Variants in ELMOD2 observed in about 807,000 individuals in gnomAD.
The protein encoded by ELMOD2 is ELMO domain-containing protein 2.
A neutral mutation model predicts 41.0 loss-of-function variants in ELMOD2; 28 were observed. The ratio of observed to expected loss-of-function variants is 0.68; its 90% CI spans 0.51 to 0.94. The LOEUF (loss-of-function observed/expected upper bound fraction) is 0.94. Ranked by LOEUF, ELMOD2 falls within the 40% of genes least tolerant of loss-of-function variation. ELMOD2 has a pLI of 0.00. For missense variants in ELMOD2, 333 were observed against 343.1 expected (o/e 0.97, Z 0.23); for synonymous variants, 106 against 107.2 (o/e 0.99, Z 0.07).
chr4:140,530,869 G>A (rs186856947), intron 3 of ELMOD2, among the ~76,000 whole-genome samples: 4 of 151,792 alleles, frequency 2.6e-5, no homozygotes, highest in Admixed American at 6.6e-5. Flanking sequence ...ATTTTTATTC[G>A]ATAAAAAAGT....
chr4:140,525,227 G>T, intron 1 of ELMOD2, 193 bp from the exon 2 acceptor site: 1 of 463,222 alleles, frequency 2.2e-6, no homozygotes, highest in East Asian at 3.8e-5. Flanking sequence ...TGATTAATTG[G>T]CCATTTGATC....
At chr4:140,527,233 A>T (rs1223049685) in intron 2 of ELMOD2, among the ~76,000 whole-genome samples, 1 of 152,164 alleles carries the variant, frequency 6.6e-6, no homozygotes, top group Non-Finnish European at 1.5e-5. Flanking sequence ...ACCCCAGGTA[A>T]TGAGGTTGGT....
intron 3 of ELMOD2, among the ~76,000 whole-genome samples, chr4:140,530,809 G>T (rs930911171): frequency 5.9e-5 from 9 of 151,942 alleles, no homozygotes; most frequent in African/African-American, 2.2e-4. Context: ...CATTTACTTT[G>T]TAGGGTAAAT....
rs1735520470 is a variant in ELMOD2 at position 140,553,364 on chromosome 4, T to C, written c.*2989T>C. On this transcript the variant is annotated 3_prime_UTR_variant, in exon 9 of 9. Transcript: ENST00000323570. ...CTCAGGATAAATGCTCTACCCCACT[T>C]CTCTATGAACAGGTGTGGGGAGGCT... 1 of 152,126 alleles carries C rather than the reference T, an allele frequency of 6.6e-6. No individual in the cohort carries two copies. The highest frequency in any genetic ancestry group is 2.4e-5 in the African/African-American group (1 of 41,444). The allele number at this position is 152,126 out of a possible 1,614,324, so 9.4% of individuals were successfully genotyped here. A position where few individuals can be genotyped will look rare whatever the true frequency, so the allele number is the denominator to read the frequency against.
rs939136076 is a variant in ELMOD2, at chr4:140,552,840, AAC to A, written c.*2467_*2468del. 16 of 152,206 alleles carry A rather than the reference AAC, an allele frequency of 1.1e-4. No homozygotes were observed. The highest frequency in any genetic ancestry group is 3.4e-4 in the African/African-American group (14 of 41,564). 9.4% of individuals were successfully genotyped at this position (152,206 alleles called of 1,614,324 possible). A position where few individuals can be genotyped will look rare whatever the true frequency, so the allele number is the denominator to read the frequency against. ...GTGACAGGAAGTAGTCTAAAAAATT[AAC>A]AGTTATGGTTTTAATAGGATCTGAA... is the stretch of plus-strand genomic sequence containing the variant. On this transcript the variant is annotated 3_prime_UTR_variant, in exon 9 of 9. Transcript: ENST00000323570.
At chr4:140,530,972 A>G (rs961133088) in intron 3 of ELMOD2, among the ~76,000 whole-genome samples, 2 of 152,148 alleles carry the variant, frequency 1.3e-5, no homozygotes, top group African/African-American at 4.8e-5. Flanking sequence ...ATACCCACAT[A>G]GTTGTTTTGA....
chr4:140,535,186 G>T (rs1734880240), intron 3 of ELMOD2, among the ~76,000 whole-genome samples: 1 of 145,182 alleles, frequency 6.9e-6, no homozygotes, highest in Middle Eastern at 3.5e-3. Flanking sequence ...TCGCCTTGGG[G>T]TATATCTAAA....
At chr4:140,544,640 C>A (rs1735213308) in intron 8 of ELMOD2, among the ~76,000 whole-genome samples, 1 of 152,070 alleles carries the variant, frequency 6.6e-6, no homozygotes. Context: ...CATCTTTTGC[C>A]ATATACCAGC....
chr4:140,538,026 A>C (rs955339538), intron 5 of ELMOD2, among the ~76,000 whole-genome samples: 6 of 152,168 alleles, frequency 3.9e-5, no homozygotes, highest in African/African-American at 1.2e-4. Flanking sequence ...GCAATGCCAC[A>C]AAAGATTTAA....
chr4:140,531,390 G>A (rs910863583), intron 3 of ELMOD2, among the ~76,000 whole-genome samples: 2 of 152,136 alleles, frequency 1.3e-5, no homozygotes, highest in African/African-American at 2.4e-5. Context: ...TGACTTATTC[G>A]AATTTGAGGA....
Position 140,543,762 on chromosome 4 carries a change from TATTC to T in ELMOD2, c.736+177_736+180del, listed in dbSNP as rs146583936. Among the ~76,000 whole-genome samples, 1,313 of 152,180 alleles carry T rather than the reference TATTC, an allele frequency of 8.6e-3. 19 individuals carry two copies. The highest frequency in any genetic ancestry group is 0.03 in the African/African-American group (1,226 of 41,538). ...ACAGTGGAAGATGGGTCCCCAAGAG[TATTC>T]CATACTTCAGTTTTTATATTTGCTG... is the stretch of plus-strand genomic sequence containing the variant. On this transcript the variant is annotated intron_variant, in intron 8 of 8. Transcript: ENST00000323570.
intron 5 of ELMOD2, among the ~76,000 whole-genome samples, chr4:140,538,309 C>A (rs942198050): frequency 1.3e-5 from 2 of 152,044 alleles, no homozygotes; most frequent in South Asian, 2.1e-4. Flanking sequence ...ATTTTAAAAT[C>A]GTTAAAGAAA....
chr4:140,545,490 C>G (rs927050354), intron 8 of ELMOD2, among the ~76,000 whole-genome samples: 35 of 152,150 alleles, frequency 2.3e-4, no homozygotes, highest in African/African-American at 8.4e-4. Context: ...AACTGTATGT[C>G]CAGATCCTTT....
At chr4:140,539,103 G>C (rs1735023713) in intron 5 of ELMOD2, among the ~76,000 whole-genome samples, 1 of 152,104 alleles carries the variant, frequency 6.6e-6, no homozygotes, top group African/African-American at 2.4e-5. Flanking sequence ...CTGTTTTAAA[G>C]CAAGGTCACT....
chr4:140,530,295 A>G (rs1166361802), intron 3 of ELMOD2, among the ~76,000 whole-genome samples: 1 of 152,164 alleles, frequency 6.6e-6, no homozygotes, highest in East Asian at 1.9e-4. Context: ...TACATTTAAG[A>G]ACTCCAGTGC....
Position 140,535,802 on chromosome 4 carries a change from A to G in ELMOD2, c.241A>G (p.Lys81Glu). 6.2e-7 allele frequency: 1 copy of G among 1,609,838 alleles called. No individual in the cohort carries two copies. The highest frequency in any genetic ancestry group is 8.5e-7 in the Non-Finnish European group (1 of 1,178,914). Residue 81 changes from lysine (K) to glutamate (E), a missense_variant, in exon 4 of 9, where the codon AAG becomes GAG. Transcript: ENST00000323570. ...ATATGTAGATGATATTATGAAGGAA[A>G]AGAATATTAACCCTGAGAAGGATGC... is the stretch of plus-strand genomic sequence containing the variant. ...DKYVDDIMKEKNINPEKDASF... is the reference protein window; with the variant it reads ...DKYVDDIMKEENINPEKDASF...
At position 140,552,900 on chromosome 4, in the gene ELMOD2, G is replaced by A. The variant is rs1189995472; in HGVS notation, c.*2525G>A. On this transcript the variant is annotated 3_prime_UTR_variant, in exon 9 of 9. Coordinates refer to ENST00000323570, the MANE Select transcript of ELMOD2 (RefSeq NM_153702.4). ...CTTTAAAGAAATGGGAGAAATTGGG[G>A]GTATCAGTGAACCTATACCAACCTC... 6.6e-6 allele frequency: 1 copy of A among 151,900 alleles called. No homozygotes were observed. The highest frequency in any genetic ancestry group is 1.5e-5 in the Non-Finnish European group (1 of 67,936). The allele number at this position is 151,900 out of a possible 1,614,324, so 9.4% of individuals were successfully genotyped here.
At chr4:140,540,697 T>G (rs1011882286) in intron 6 of ELMOD2, among the ~76,000 whole-genome samples, 3 of 150,280 alleles carry the variant, frequency 2.0e-5, no homozygotes, top group African/African-American at 7.4e-5. Context: ...CAGTGAGTCA[T>G]GATTGTGCCA....
chr4:140,550,307 G>A lies in ELMOD2; in HGVS notation c.814G>A (p.Glu272Lys). ...ESIMYFNLYR[E>K]KFHEKIKGLL... ...CATTATGTATTTCAATTTGTATAGA[G>A]AGAAGTTTCATGAAAAGATTAAAGG... The change falls in exon 9 of 9, where the codon GAG becomes AAG. Residue 272 changes from glutamate (E) to lysine (K), a missense_variant. By Grantham distance (56) the Glu-to-Lys change is moderately conservative. Transcript: ENST00000323570. The A allele has an allele frequency of 6.2e-7, 1 of 1,611,484 alleles. No homozygotes were observed. The highest frequency in any genetic ancestry group is 1.1e-5 in the South Asian group (1 of 90,864).
Sources: allele counts gnomAD v4.1 joint callset (sites outside exome capture counted in the v4.1 genomes callset), GRCh38; gene constraint gnomAD v4.1.1; transcripts MANE v1.5; gene names NCBI Gene and HGNC (gene_info 2026-07-23, HGNC 2026-07-21).